GALNT13: variants seen among roughly 807,000 people sequenced by gnomAD.
GALNT13 encodes the protein polypeptide N-acetylgalactosaminyltransferase 13.
Under a neutral mutation model 64.2 loss-of-function variants are expected in GALNT13, and 28 were observed. That is an observed-to-expected ratio of 0.44 (90% CI 0.32 to 0.60). The LOEUF (loss-of-function observed/expected upper bound fraction) is 0.60, where lower values mean the gene tolerates loss of function less well. GALNT13 is among the 20% of genes least tolerant of loss of function. The probability of loss-of-function intolerance (pLI) is 0.05; values close to 1 mark genes in which losing one functional copy is unlikely to be tolerated. For missense variants in GALNT13, 577 were observed against 669.8 expected (o/e 0.86, Z 1.53); for synonymous variants, 214 against 224.6 (o/e 0.95, Z 0.42).
intron 1 of GALNT13, among the ~76,000 whole-genome samples, chr2:153,882,180 G>T (rs946478898): frequency 2.0e-5 from 3 of 151,008 alleles, no homozygotes; most frequent in East Asian, 2.0e-4. Flanking sequence ...AGAATGTAGG[G>T]GGGGGTCGAG....
intron 3 of GALNT13, among the ~76,000 whole-genome samples, chr2:154,129,841 A>G (rs1031052404): frequency 1.3e-5 from 2 of 152,038 alleles, no homozygotes; most frequent in African/African-American, 4.8e-5. Flanking sequence ...CCTCCATGAG[A>G]TCTCCTGATC....
At chr2:153,840,784 C>CT in the GALNT13 span, among the ~76,000 whole-genome samples, 1 of 152,132 alleles carries the variant, frequency 6.6e-6, no homozygotes, top group Non-Finnish European at 1.5e-5. Flanking sequence ...TATACCCTAA[C>CT]TTGCCTCTTA....
chr2:154,070,120 G>T (rs1404799168), intron 3 of GALNT13, among the ~76,000 whole-genome samples: 1 of 152,084 alleles, frequency 6.6e-6, no homozygotes, highest in Non-Finnish European at 1.5e-5. Context: ...TGTGGCCCTA[G>T]ATTTAAATTT....
At chr2:154,049,002 G>A (rs369703901) in intron 3 of GALNT13, among the ~76,000 whole-genome samples, 2 of 126,076 alleles carry the variant, frequency 1.6e-5, no homozygotes, top group African/African-American at 3.1e-5. Flanking sequence ...AAGATATTAC[G>A]TGGAACTTAC....
intron 3 of GALNT13, among the ~76,000 whole-genome samples, chr2:154,024,125 A>C (rs955231195): frequency 6.6e-6 from 1 of 152,030 alleles, no homozygotes; most frequent in African/African-American, 2.4e-5. Flanking sequence ...GCTGCCCTTA[A>C]CATTTTTTCC....
At chr2:154,386,829 T>G (rs1270422415) in intron 9 of GALNT13, among the ~76,000 whole-genome samples, 1 of 152,138 alleles carries the variant, frequency 6.6e-6, no homozygotes, top group African/African-American at 2.4e-5. Flanking sequence ...CATTTGAATA[T>G]GAGATCTTTA....
chr2:153,952,266 G>A (rs1334518589), intron 3 of GALNT13, among the ~76,000 whole-genome samples: 2 of 152,146 alleles, frequency 1.3e-5, no homozygotes, highest in South Asian at 2.1e-4. Context: ...TTGCATGGGC[G>A]TTATGACATA....
chr2:153,254,854 T>A, the GALNT13 span, among the ~76,000 whole-genome samples: 1 of 152,220 alleles, frequency 6.6e-6, no homozygotes, highest in Non-Finnish European at 1.5e-5. Flanking sequence ...TAATTTCTGT[T>A]CTTTTACATT....
chr2:153,357,043 C>T, the GALNT13 span, among the ~76,000 whole-genome samples: 5 of 152,104 alleles, frequency 3.3e-5, no homozygotes, highest in South Asian at 4.1e-4. Flanking sequence ...CTCCTGATCT[C>T]TCAATCCACC....
chr2:153,792,970 CTT>C, the GALNT13 span, among the ~76,000 whole-genome samples: 8 of 132,240 alleles, frequency 6.0e-5, no homozygotes, highest in Admixed American at 7.7e-5. Flanking sequence ...TTCTTTCTTT[CTT>C]TTTTTTTTTT....
At chr2:153,191,262 GT>G in the GALNT13 span, among the ~76,000 whole-genome samples, 9,284 of 152,012 alleles carry the variant, frequency 0.061, 315 homozygotes, top group East Asian at 0.098. Flanking sequence ...TTCCTTGTTT[GT>G]TGAGTGTATT....
chr2:153,581,764 G>A, the GALNT13 span, among the ~76,000 whole-genome samples: 2 of 152,086 alleles, frequency 1.3e-5, no homozygotes, highest in Non-Finnish European at 2.9e-5. Context: ...AAGAGCTTAA[G>A]CATGCCAAAG....
chr2:153,766,210 G>A, the GALNT13 span, among the ~76,000 whole-genome samples: 1 of 151,666 alleles, frequency 6.6e-6, no homozygotes. Context: ...TGAGGTTTCT[G>A]CTGAACCATT....
chr2:153,684,825 C>T, the GALNT13 span, among the ~76,000 whole-genome samples: 1 of 151,650 alleles, frequency 6.6e-6, no homozygotes, highest in Non-Finnish European at 1.5e-5. Flanking sequence ...TTCCAAAAGG[C>T]CCCATTGTGT....
At chr2:153,182,609 C>T in the GALNT13 span, among the ~76,000 whole-genome samples, 244 of 152,296 alleles carry the variant, frequency 1.6e-3, 2 homozygotes, top group African/African-American at 5.5e-3. Flanking sequence ...CAGCTCCCCA[C>T]AACCCCTGAC....
At chr2:153,326,551 C>T in the GALNT13 span, among the ~76,000 whole-genome samples, 32 of 151,942 alleles carry the variant, frequency 2.1e-4, no homozygotes, top group African/African-American at 7.2e-4. Context: ...GTTATTTTAC[C>T]CATTAGTTGA....
chr2:153,492,440 T>TA, the GALNT13 span, among the ~76,000 whole-genome samples: 1 of 152,238 alleles, frequency 6.6e-6, no homozygotes, highest in Non-Finnish European at 1.5e-5. Flanking sequence ...GCTACAACTT[T>TA]AGAGTTGCTG....
chr2:154,142,621 A>G (rs1683326513), intron 4 of GALNT13, among the ~76,000 whole-genome samples: 2 of 151,502 alleles, frequency 1.3e-5, no homozygotes, highest in Admixed American at 6.6e-5. Flanking sequence ...AGGGCTTGTA[A>G]TTGTCAGAGG....
intron 3 of GALNT13, among the ~76,000 whole-genome samples, chr2:153,950,275 A>G (rs1409189153): frequency 6.6e-6 from 1 of 151,950 alleles, no homozygotes; most frequent in Non-Finnish European, 1.5e-5. Flanking sequence ...AAAAGCCCAA[A>G]TAACCCAATA....
Sources: gnomAD v4.1 joint callset for allele counts (sites outside exome capture counted in the v4.1 genomes callset) on GRCh38, gnomAD v4.1.1 for gene constraint, MANE v1.5 for transcripts, NCBI Gene and HGNC (gene_info 2026-07-23, HGNC 2026-07-21) for gene names.